The following ZNF341 variants were observed in gnomAD, a reference collection of about 807,000 sequenced individuals.
ZNF341 encodes the protein zinc finger protein 341.
Under a neutral mutation model 87.7 loss-of-function variants are expected in ZNF341, and 52 were observed. The ratio of observed to expected loss-of-function variants is 0.59; its 90% CI spans 0.47 to 0.75. The LOEUF is 0.75. Ranked by LOEUF, ZNF341 falls within the 30% of genes least tolerant of loss-of-function variation. The pLI, the probability that ZNF341 is intolerant of heterozygous loss-of-function variation, is 0.00. For missense variants in ZNF341, 977 were observed against 1,145.9 expected, an observed-to-expected ratio of 0.85 and a Z score of 2.13; for synonymous variants, 459 against 472.7, an observed-to-expected ratio of 0.97 and a Z score of 0.38.
In ZNF341 at chr20:33,761,869, G is replaced by A. The variant is rs765475558; in HGVS notation, c.1036G>A (p.Gly346Ser). ...CAAGCTTGTCTTCCACAGCCACACC[G>A]GTGAGAAGCCCTTCCAGTGCATTGC... ...DLQQHIRSHT[G>S]EKPFQCIACG... The change falls in exon 8 of 15, where the codon GGT becomes AGT. Residue 346 changes from glycine (G) to serine (S), a missense_variant. By Grantham distance (56) the Gly-to-Ser change is moderately conservative. Around this residue, in one of 3 missense-constraint regions of ZNF341, gnomAD observed 515 missense variants for 598.2 expected, o/e 0.86. Transcript: ENST00000375200. The A allele has an allele frequency of 7.1e-6, 11 of 1,548,526 alleles. No individual in the cohort carries two copies. Among genetic ancestry groups the A allele is most frequent in the East Asian group, 4.7e-5 (2 of 42,698 alleles).
In ZNF341 at chr20:33,780,620, G is replaced by C. The variant is rs144649188; in HGVS notation, c.1623-671G>C. Among the ~76,000 whole-genome samples the C allele has an allele frequency of 3.9e-5, 6 of 152,120 alleles. 1 individual carries two copies. The highest frequency in any genetic ancestry group is 1.4e-4 in the African/African-American group (6 of 41,520). ...AGACGGGGTTTCATCATGTTGGCCA[G>C]GCTGGTCTCAAACTCCTGACCTCAG... is the stretch of plus-strand genomic sequence containing the variant. On this transcript the variant is annotated intron_variant, in intron 10 of 14. Transcript: ENST00000375200.
intron 14 of ZNF341, among the ~76,000 whole-genome samples, chr20:33,790,751 G>A (rs1252892179): frequency 6.6e-6 from 1 of 152,148 alleles, no homozygotes; most frequent in Non-Finnish European, 1.5e-5. Flanking sequence ...GTTCCAGGCA[G>A]AGGAGAATGG....
intron 9 of ZNF341, among the ~76,000 whole-genome samples, chr20:33,769,779 T>C (rs896678199): frequency 2.0e-5 from 3 of 152,100 alleles, no homozygotes; most frequent in East Asian, 1.9e-4. Context: ...GGCATGGTGG[T>C]GTGCACCTGT....
intron 10 of ZNF341, among the ~76,000 whole-genome samples, 159 bp from the exon 11 acceptor site, chr20:33,781,132 T>C (rs1298000950): frequency 6.6e-6 from 1 of 152,136 alleles, no homozygotes; most frequent in African/African-American, 2.4e-5. Flanking sequence ...ATGATGGCGC[T>C]CAGATGAGGA....
intron 12 of ZNF341, among the ~76,000 whole-genome samples, chr20:33,785,146 A>G (rs1377041482): frequency 6.6e-6 from 1 of 152,190 alleles, no homozygotes; most frequent in Non-Finnish European, 1.5e-5. Flanking sequence ...TTGACGGGAC[A>G]AAAGCATATA....
At chr20:33,735,630 A>C (rs879278965) in intron 1 of ZNF341, among the ~76,000 whole-genome samples, 1 of 152,094 alleles carries the variant, frequency 6.6e-6, no homozygotes, top group Non-Finnish European at 1.5e-5. Context: ...CATTTGTTTA[A>C]ATTTTTTTAT....
In ZNF341 at chr20:33,783,715, C is replaced by A. The variant is rs1225888649; in HGVS notation, c.1720-17C>A. On this transcript the variant is annotated splice_polypyrimidine_tract_variant and intron_variant, in intron 11 of 14. Transcript: ENST00000375200. ...GGGCCCGGTGAGTCAGACCTGAAGG[C>A]CCCTCTTCTCTCCCAGGTGTTTCCT... 1 of 1,613,522 alleles carries A rather than the reference C, an allele frequency of 6.2e-7. No homozygotes were observed. Among genetic ancestry groups the A allele is most frequent in the Admixed American group, 1.7e-5 (1 of 59,974 alleles).
chr20:33,780,499 C>T (rs1288479540), intron 10 of ZNF341, among the ~76,000 whole-genome samples: 1 of 152,032 alleles, frequency 6.6e-6, no homozygotes, highest in African/African-American at 2.4e-5. Flanking sequence ...CCTCCGCCTC[C>T]TGGGTTTAAG....
rs2020049821 is a variant in ZNF341 at position 33,792,052 on chromosome 20, C to G, written c.*535C>G. ...GCTAGACTGCAGCTATGAGACAGAT[C>G]TGGCTTCAAATCCAAGAGTTGCCAT... On this transcript the variant is annotated 3_prime_UTR_variant, in exon 15 of 15. Transcript: ENST00000375200. 1 of 153,530 alleles carries G rather than the reference C, an allele frequency of 6.5e-6. No homozygotes were observed. Among genetic ancestry groups the G allele is most frequent in the African/African-American group, 2.4e-5 (1 of 41,484 alleles). The allele number at this position is 153,530 out of a possible 1,614,324, so 9.5% of individuals were successfully genotyped here.
chr20:33,789,622 G>A, intron 14 of ZNF341, 34 bp downstream of exon 14: 1 of 1,610,554 alleles, frequency 6.2e-7, no homozygotes, highest in East Asian at 2.2e-5. Context: ...AGAGGGTCTG[G>A]TTCAGCTCTA....
At chr20:33,773,190 T>G (rs1307231086) in intron 10 of ZNF341, among the ~76,000 whole-genome samples, 3 of 152,082 alleles carry the variant, frequency 2.0e-5, no homozygotes, top group African/African-American at 7.2e-5. Flanking sequence ...ACACTGAGGT[T>G]CAAAGAGAAG....
chr20:33,736,615 G>A (rs548172581), intron 1 of ZNF341, among the ~76,000 whole-genome samples: 1 of 151,986 alleles, frequency 6.6e-6, no homozygotes, highest in African/African-American at 2.4e-5. Context: ...TCAGCCTCCC[G>A]AGTAGCTGGG....
At position 33,745,156 on chromosome 20, in the gene ZNF341, C is replaced by T. The variant is rs1200996535; in HGVS notation, c.196C>T (p.Pro66Ser). The change falls in exon 3 of 15, where the codon CCA (proline) becomes TCA (serine). Residue 66 changes from proline to serine, a missense_variant. By Grantham distance (74) the Pro-to-Ser change is moderately conservative. This residue lies in a region of ZNF341 where 515 missense variants were observed against 598.2 expected (regional missense o/e 0.86). Coordinates refer to ENST00000375200, the MANE Select transcript of ZNF341 (RefSeq NM_001282933.2). ...GTGTAAGAAGCAATTCAACTCGCTGCCAGCGTTTATGACCCACAAGCGGGA... is the reference window on the plus strand; with the variant it reads ...GTGTAAGAAGCAATTCAACTCGCTGTCAGCGTTTATGACCCACAAGCGGGA... ...GKCKKQFNSL[P>S]AFMTHKREQC... 2.5e-6 allele frequency: 4 copies of T among 1,613,950 alleles called. No homozygotes were observed. The highest frequency in any genetic ancestry group is 3.4e-6 in the Non-Finnish European group (4 of 1,179,924).
At chr20:33,762,530 A>G (rs7354147) in intron 8 of ZNF341, among the ~76,000 whole-genome samples, 2 of 147,184 alleles carry the variant, frequency 1.4e-5, no homozygotes, top group African/African-American at 5.0e-5. Flanking sequence ...TTTTTTTTTT[A>G]TTTTTACTTT....
At chr20:33,785,868 A>G (rs1190313972) in intron 12 of ZNF341, among the ~76,000 whole-genome samples, 1 of 152,082 alleles carries the variant, frequency 6.6e-6, no homozygotes, top group Non-Finnish European at 1.5e-5. Context: ...TCCCCAAGGA[A>G]TGTGTGCTTA....
chr20:33,742,381 G>A (rs552021181), intron 2 of ZNF341, among the ~76,000 whole-genome samples: 2 of 152,156 alleles, frequency 1.3e-5, no homozygotes, highest in African/African-American at 4.8e-5. Flanking sequence ...ATTTTTAGTA[G>A]AGATGGGGTT....
At chr20:33,788,756 C>A in intron 12 of ZNF341, 107 bp from the exon 13 acceptor site, 1 of 826,770 alleles carries the variant, frequency 1.2e-6, no homozygotes, top group Non-Finnish European at 2.1e-6. Flanking sequence ...TCTCCCCTGG[C>A]CACCTCCCTA....
chr20:33,742,685 G>C (rs1001352898), intron 2 of ZNF341, among the ~76,000 whole-genome samples: 1 of 150,010 alleles, frequency 6.7e-6, no homozygotes, highest in Admixed American at 6.6e-5. Flanking sequence ...GGCTGGTCTT[G>C]AACTCCTGAG....
intron 10 of ZNF341, among the ~76,000 whole-genome samples, chr20:33,777,410 G>A (rs182319031): frequency 4.0e-4 from 61 of 151,492 alleles, no homozygotes; most frequent in African/African-American, 1.4e-3. Flanking sequence ...TGAGGTGGGC[G>A]GATCACCTGA....
Sources: allele counts gnomAD v4.1 joint callset (sites outside exome capture counted in the v4.1 genomes callset), GRCh38; gene constraint gnomAD v4.1.1; regional missense constraint gnomAD v4.1.1; transcripts MANE v1.5; gene names NCBI Gene and HGNC (gene_info 2026-07-23, HGNC 2026-07-21).